Variants in GTF3C1 observed in about 807,000 individuals in gnomAD.
The protein encoded by GTF3C1 is general transcription factor 3C polypeptide 1.
A neutral mutation model predicts 226.7 loss-of-function variants in GTF3C1; 57 were observed. The ratio of observed to expected loss-of-function variants is 0.25; its 90% CI spans 0.20 to 0.31. GTF3C1 has a LOEUF of 0.31. Ranked by LOEUF, GTF3C1 falls within the 10% of genes least tolerant of loss-of-function variation. The pLI is 1.00. For missense variants in GTF3C1, 2,217 were observed against 2,776.1 expected, an observed-to-expected ratio of 0.80 and a Z score of 4.53; for synonymous variants, 1,090 against 1,084.8, an observed-to-expected ratio of 1.00 and a Z score of -0.09.
At chr16:27,528,416 C>A (rs769388307) in intron 6 of GTF3C1, among the ~76,000 whole-genome samples, 182 bp downstream of exon 6, 1 of 152,170 alleles carries the variant, frequency 6.6e-6, no homozygotes, top group Non-Finnish European at 1.5e-5. Flanking sequence ...GTTCAGCAAA[C>A]ATTTTCTAGG....
At chr16:27,465,126 T>C in intron 33 of GTF3C1, 134 bp downstream of exon 33, 1 of 806,734 alleles carries the variant, frequency 1.2e-6, no homozygotes, top group Non-Finnish European at 2.0e-6. Flanking sequence ...TTTTCAAGTG[T>C]TAATGACTAA....
At chr16:27,516,481 T>C (rs1421482207) in intron 6 of GTF3C1, among the ~76,000 whole-genome samples, 2 of 152,214 alleles carry the variant, frequency 1.3e-5, no homozygotes, top group Admixed American at 6.5e-5. Flanking sequence ...CCACAGGGCA[T>C]AGCTGATTTA....
chr16:27,465,205 T>C (rs986966059), intron 33 of GTF3C1, 55 bp downstream of exon 33: 23 of 1,541,262 alleles, frequency 1.5e-5, no homozygotes, highest in African/African-American at 8.2e-5. Flanking sequence ...GCACCTGGCC[T>C]GGGAGCTGCA....
At chr16:27,543,596 C>T (rs1472398902) in intron 2 of GTF3C1, among the ~76,000 whole-genome samples, 2 of 152,014 alleles carry the variant, frequency 1.3e-5, no homozygotes, top group Admixed American at 1.3e-4. Flanking sequence ...TGGGGTCTTG[C>T]TATATTGCCC....
intron 22 of GTF3C1, 34 bp downstream of exon 22, chr16:27,488,520 A>G (rs762975339): frequency 5.7e-6 from 9 of 1,592,682 alleles, no homozygotes; most frequent in South Asian, 2.2e-5. Context: ...CTGGTACCAT[A>G]TTAACTTCTG....
chr16:27,494,884 A>T lies in GTF3C1; in HGVS notation c.2657T>A (p.Met886Lys). 1 of 1,613,922 alleles carries T rather than the reference A, an allele frequency of 6.2e-7. No individual in the cohort carries two copies. The highest frequency in any genetic ancestry group is 8.5e-7 in the Non-Finnish European group (1 of 1,179,836). ...ETVYVDDASW[M>K]RYIPPIPVHR... ...GACTGGGATTGGGGGGATGTAGCGC[A>T]TCCACGAGGCATCGTCGACATACAC... The change falls in exon 16 of 37, where the codon ATG becomes AAG. Residue 886 changes from methionine to lysine, a missense_variant. Coordinates refer to ENST00000356183, the MANE Select transcript of GTF3C1 (RefSeq NM_001520.4).
Position 27,476,680 on chromosome 16 carries a change from A to C in GTF3C1, c.4260-136T>G, listed in dbSNP as rs534738432. 1.8e-5 allele frequency: 11 copies of C among 627,558 alleles called. No individual in the cohort carries two copies. The African/African-American group carries it at 1.8e-4, about 10-fold the overall frequency. 38.9% of individuals were successfully genotyped at this position (627,558 alleles called of 1,614,324 possible). A position where few individuals can be genotyped will look rare whatever the true frequency, so the allele number is the denominator to read the frequency against. On this transcript the variant is annotated intron_variant, in intron 28 of 36. Transcript: ENST00000356183. The stretch of plus-strand genomic sequence containing the variant: ...CAAAACTATTCACAAAAGAAAACAC[A>C]ATATATGATGGTTTCTAGGCTTTAC...
rs1054957765 is a variant in GTF3C1, at chr16:27,489,159, C to T, written c.3313G>A (p.Asp1105Asn). The change falls in exon 21 of 37, where the codon GAT becomes AAT. Residue 1105 changes from aspartate (D) to asparagine (N), a missense_variant. Asp to Asn is a conservative substitution (Grantham distance 23). Transcript: ENST00000356183. ...CCATCTCCAGGGATCAAGCCTTCAT[C>T]CACCACCTCACGGCTTCCACTAAAA... ...EYTTGSREVV[D>N]EGLIPGDGLG... The T allele has an allele frequency of 3.1e-6, 5 of 1,614,044 alleles. No homozygotes were observed. Among genetic ancestry groups the T allele is most frequent in the African/African-American group, 1.3e-5 (1 of 74,922 alleles).
chr16:27,508,437 C>T lies in GTF3C1; in HGVS notation c.1242+103G>A. On this transcript the variant is annotated intron_variant, in intron 8 of 36. Transcript: ENST00000356183. ...GGGGAGGCCATTTGCCTCCTTGACA[C>T]AGATGTCAGGCCATCGAGTCTTCTG... 2.3e-6 allele frequency: 2 copies of T among 886,218 alleles called. 1 individual carries two copies. Among genetic ancestry groups the T allele is most frequent in the South Asian group, 3.0e-5 (2 of 65,668 alleles). 54.9% of individuals were successfully genotyped at this position (886,218 alleles called of 1,614,324 possible).
chr16:27,544,218 A>G lies in GTF3C1; in HGVS notation c.431+1096T>C, dbSNP rs2141464621. On this transcript the variant is annotated intron_variant, in intron 2 of 36. Coordinates refer to ENST00000356183, the MANE Select transcript of GTF3C1 (RefSeq NM_001520.4). ...AGCCTGAGCAACATGGCAAGACCCC[A>G]CCTCTACAAAAAATAAAACTTAGCT... Among the ~76,000 whole-genome samples, 4 of 151,976 alleles carry G rather than the reference A, an allele frequency of 2.6e-5. 1 individual carries two copies. In the East Asian group the frequency reaches 7.8e-4, roughly 30 times the overall value.
intron 4 of GTF3C1, among the ~76,000 whole-genome samples, chr16:27,535,529 C>A (rs1385814320): frequency 6.7e-6 from 1 of 149,628 alleles, no homozygotes; most frequent in Non-Finnish European, 1.5e-5. Flanking sequence ...GAGCCGAGAT[C>A]GTGCCACTGC....
In GTF3C1 at chr16:27,470,058, C is replaced by T; in HGVS notation, c.4814+50G>A. On this transcript the variant is annotated intron_variant, in intron 31 of 36. Transcript: ENST00000356183. This position sits in a 1 kb window ranked among gnomAD's most constrained non-coding sequence, Gnocchi z 4.9. ...TGACCCCTGCCCGTCTGTATCTGGC[C>T]AATGCCTAGCACGTGGCCAGACCTG... 1 of 1,498,412 alleles carries T rather than the reference C, an allele frequency of 6.7e-7. No homozygotes were observed. The highest frequency in any genetic ancestry group is 9.2e-7 in the Non-Finnish European group (1 of 1,091,186). The allele number at this position is 1,498,412 out of a possible 1,614,324, so 92.8% of individuals were successfully genotyped here. A position where few individuals can be genotyped will look rare whatever the true frequency, so the allele number is the denominator to read the frequency against.
At position 27,471,999 on chromosome 16, in the gene GTF3C1, T is replaced by C; in HGVS notation, c.4354-79A>G. 1 of 1,252,632 alleles carries C rather than the reference T, an allele frequency of 8.0e-7. No homozygotes were observed. Among genetic ancestry groups the C allele is most frequent in the Non-Finnish European group, 1.2e-6 (1 of 868,038 alleles). 77.6% of individuals were successfully genotyped at this position (1,252,632 alleles called of 1,614,324 possible). A position where few individuals can be genotyped will look rare whatever the true frequency, so the allele number is the denominator to read the frequency against. On this transcript the variant is annotated intron_variant, in intron 29 of 36. Transcript: ENST00000356183. This position sits in a 1 kb window ranked among gnomAD's most constrained non-coding sequence, Gnocchi z 5.0. ...GGCTGGGGTATGTGGAGGCAGAGGC[T>C]GCGGCTGATGCTTTATAGAGGAAGT...
chr16:27,489,819 G>A, intron 19 of GTF3C1, 76 bp from the exon 20 acceptor site: 2 of 1,477,746 alleles, frequency 1.4e-6, no homozygotes, highest in Non-Finnish European at 1.8e-6. Context: ...CTGGCTGGGT[G>A]GGGAAGAAGA....
chr16:27,508,749 T>G, intron 7 of GTF3C1, 94 bp from the exon 8 acceptor site: 2 of 835,450 alleles, frequency 2.4e-6, no homozygotes, highest in East Asian at 2.5e-5. Flanking sequence ...GACATTTTGA[T>G]GCTGTGAAAT....
At position 27,463,255 on chromosome 16, in the gene GTF3C1, C is replaced by A. The variant is rs2087731520; in HGVS notation, c.5924+286G>T. ...GAGGTGCCTGTGGGCCATGAGGAGC[C>A]AGTGAAGCACAGCTGACAGCACCAG... On this transcript the variant is annotated intron_variant, in intron 35 of 36. Transcript: ENST00000356183. This position sits in a 1 kb window ranked among gnomAD's most constrained non-coding sequence, Gnocchi z 4.9. 2.2e-6 allele frequency: 1 copy of A among 456,926 alleles called. No individual in the cohort carries two copies. The highest frequency in any genetic ancestry group is 4.2e-5 in the Admixed American group (1 of 24,082). 28.3% of individuals were successfully genotyped at this position (456,926 alleles called of 1,614,324 possible).
chr16:27,476,246 T>C (rs543340874), intron 29 of GTF3C1, among the ~76,000 whole-genome samples: 182 of 152,374 alleles, frequency 1.2e-3, no homozygotes, highest in African/African-American at 4.3e-3. Flanking sequence ...AATCCTCCAG[T>C]TGTATAACAT....
chr16:27,492,477 G>A lies in GTF3C1; in HGVS notation c.3012C>T (p.Asp1004=), dbSNP rs148599283. 7.4e-6 allele frequency: 12 copies of A among 1,613,498 alleles called. No individual in the cohort carries two copies. The highest frequency in any genetic ancestry group is 1.1e-5 in the South Asian group (1 of 91,086). ...IFLKKNAVIV[D]TTICDPHYNL... Reference sequence around the variant, plus strand: ...TGTAATGTGGGTCGCAGATGGTAGTGTCAACAATGACTGCATTCTTCTTCA... The same window carrying A: ...TGTAATGTGGGTCGCAGATGGTAGTATCAACAATGACTGCATTCTTCTTCA... The change falls in exon 19 of 37, where the codon GAC becomes GAT. Residue 1004 remains aspartate (D), a synonymous_variant. Coordinates refer to ENST00000356183, the MANE Select transcript of GTF3C1 (RefSeq NM_001520.4). This position sits in a 1 kb window ranked among gnomAD's most constrained non-coding sequence, Gnocchi z 5.0.
chr16:27,461,218 G>T lies in GTF3C1; in HGVS notation c.*132C>A, dbSNP rs2087698088. On this transcript the variant is annotated 3_prime_UTR_variant, in exon 37 of 37. Coordinates refer to ENST00000356183, the MANE Select transcript of GTF3C1 (RefSeq NM_001520.4). The surrounding 1 kb of genome is among the most constrained non-coding windows in gnomAD (Gnocchi z 5.3). ...GGGAAACGTGTCAGTCTGTGACTCTGGCCAAAGCACCCGTCCCCTGCTGCA... is the reference window on the plus strand; with the variant it reads ...GGGAAACGTGTCAGTCTGTGACTCTTGCCAAAGCACCCGTCCCCTGCTGCA... 3.2e-6 allele frequency: 2 copies of T among 624,020 alleles called. No homozygotes were observed. The highest frequency in any genetic ancestry group is 5.7e-6 in the Non-Finnish European group (2 of 351,260). 38.7% of individuals were successfully genotyped at this position (624,020 alleles called of 1,614,324 possible).
Sources: gnomAD v4.1 joint callset for allele counts (sites outside exome capture counted in the v4.1 genomes callset) on GRCh38, gnomAD v4.1.1 for gene constraint, Gnocchi (gnomAD v3.1) non-coding constraint, MANE v1.5 for transcripts, NCBI Gene and HGNC (gene_info 2026-07-23, HGNC 2026-07-21) for gene names.